ELMOD1: variants seen among roughly 807,000 people sequenced by gnomAD.
The protein encoded by ELMOD1 is ELMO domain containing 1, also known as ELMO domain-containing protein 1.
ELMOD1 carries 21 observed loss-of-function variants against 46.7 expected under a neutral mutation model. That is an observed-to-expected ratio of 0.45 (90% CI 0.32 to 0.65). The LOEUF is 0.65. ELMOD1 is among the 30% of genes least tolerant of loss of function. The pLI is 0.04. For synonymous variants in ELMOD1, 122 were observed against 138.2 expected (o/e 0.88, Z 0.82); for missense variants, 348 against 407.8 (o/e 0.85, Z 1.26).
At chr11:107,614,147 AAG>A (rs1865822564) in intron 1 of ELMOD1, among the ~76,000 whole-genome samples, 1 of 152,144 alleles carries the variant, frequency 6.6e-6, no homozygotes, top group Non-Finnish European at 1.5e-5. Context: ...TCAATTAACA[AAG>A]GTCCTATTGA....
intron 11 of ELMOD1, among the ~76,000 whole-genome samples, chr11:107,661,968 A>G (rs934904912): frequency 9.2e-5 from 14 of 152,216 alleles, no homozygotes; most frequent in Non-Finnish European, 1.8e-4. Context: ...TATGACAACC[A>G]GATGACAAAC....
At chr11:107,596,141 G>A (rs1865489246) in intron 1 of ELMOD1, among the ~76,000 whole-genome samples, 1 of 151,792 alleles carries the variant, frequency 6.6e-6, no homozygotes, top group South Asian at 2.1e-4. Context: ...TTAGAATGCT[G>A]GTTTTAAGAG....
chr11:107,665,363 A>G lies in ELMOD1; in HGVS notation c.*166A>G, dbSNP rs1866824927. 1 of 689,206 alleles carries G rather than the reference A, an allele frequency of 1.5e-6. No individual in the cohort carries two copies. The highest frequency in any genetic ancestry group is 2.4e-6 in the Non-Finnish European group (1 of 419,414). The allele number at this position is 689,206 out of a possible 1,614,324, so 42.7% of individuals were successfully genotyped here. A position where few individuals can be genotyped will look rare whatever the true frequency, so the allele number is the denominator to read the frequency against. On this transcript the variant is annotated 3_prime_UTR_variant, in exon 12 of 12. Coordinates refer to ENST00000265840, the MANE Select transcript of ELMOD1 (RefSeq NM_018712.4). ...CATAATTCCGAGATCCCCAGAGACC[A>G]CTGTTTCTGGAGTATCTGTCATCCA...
At position 107,666,012 on chromosome 11, in the gene ELMOD1, A is replaced by G. The variant is rs1866839055; in HGVS notation, c.*815A>G. The G allele has an allele frequency of 6.7e-6, 1 of 149,108 alleles. No individual in the cohort carries two copies. The highest frequency in any genetic ancestry group is 2.5e-5 in the African/African-American group (1 of 40,288). The allele number at this position is 149,108 out of a possible 1,614,324, so 9.2% of individuals were successfully genotyped here. A position where few individuals can be genotyped will look rare whatever the true frequency, so the allele number is the denominator to read the frequency against. On this transcript the variant is annotated 3_prime_UTR_variant, in exon 12 of 12. Transcript: ENST00000265840. ...AAATAAATAAATAAATAAATAAATA[A>G]ATAAAATAGTACAGACAGACACATG...
At position 107,658,050 on chromosome 11, in the gene ELMOD1, T is replaced by C. The variant is rs939408026; in HGVS notation, c.832+1984T>C. On this transcript the variant is annotated intron_variant, in intron 11 of 11. Coordinates refer to ENST00000265840, the MANE Select transcript of ELMOD1 (RefSeq NM_018712.4). ...AAAAGGGTGAGAAAATAAGTGACTA[T>C]GTGGCTGGGGTGAGTGAGCGGGAGC... Among the ~76,000 whole-genome samples the C allele has an allele frequency of 4.1e-4, 40 of 96,728 alleles. 1 individual carries two copies. In the African/African-American group the frequency reaches 6.5e-3, roughly 16 times the overall value. 63.5% of individuals were successfully genotyped at this position (96,728 alleles called of 152,430 possible). A position where few individuals can be genotyped will look rare whatever the true frequency, so the allele number is the denominator to read the frequency against.
At chr11:107,654,525 T>A (rs1171028289) in intron 10 of ELMOD1, among the ~76,000 whole-genome samples, 1 of 152,130 alleles carries the variant, frequency 6.6e-6, no homozygotes, top group Non-Finnish European at 1.5e-5. Flanking sequence ...ATCCCAGCAC[T>A]TTGGGAGGCC....
At chr11:107,601,331 CT>C (rs35139867) in intron 1 of ELMOD1, among the ~76,000 whole-genome samples, 3,481 of 145,582 alleles carry the variant, frequency 0.024, 86 homozygotes, top group African/African-American at 0.059. Flanking sequence ...TTATTTATAG[CT>C]TTTTTTTTGC....
intron 1 of ELMOD1, among the ~76,000 whole-genome samples, chr11:107,605,461 A>G (rs1865669739): frequency 6.6e-6 from 1 of 152,156 alleles, no homozygotes; most frequent in African/African-American, 2.4e-5. Context: ...TCAGCCTTCA[A>G]AAGTGCTGGG....
chr11:107,634,697 T>C (rs533031484), intron 5 of ELMOD1, among the ~76,000 whole-genome samples: 1 of 152,214 alleles, frequency 6.6e-6, no homozygotes, highest in South Asian at 2.1e-4. Flanking sequence ...GCCAAGATTG[T>C]ACCACTGCAC....
chr11:107,625,460 C>T (rs1866025034), intron 2 of ELMOD1: 10 of 985,342 alleles, frequency 1.0e-5, no homozygotes, highest in Non-Finnish European at 1.2e-5. Flanking sequence ...AAATAAGCCA[C>T]TTTTCTCTTA....
chr11:107,647,703 A>G, intron 7 of ELMOD1, 102 bp downstream of exon 7: 1 of 1,205,550 alleles, frequency 8.3e-7, no homozygotes, highest in Non-Finnish European at 1.1e-6. Flanking sequence ...TACTTCCCAT[A>G]AGACTCAAAG....
intron 1 of ELMOD1, among the ~76,000 whole-genome samples, chr11:107,601,490 A>G (rs1405576742): frequency 7.4e-6 from 1 of 134,374 alleles, no homozygotes; most frequent in Non-Finnish European, 1.5e-5. Context: ...ATCTTGGCTT[A>G]CTGCAACCTC....
intron 1 of ELMOD1, chr11:107,591,690 G>GACA (rs1865395131): frequency 2.7e-6 from 1 of 365,016 alleles, no homozygotes; most frequent in Non-Finnish European, 5.7e-6. Context: ...TTGCATCTCG[G>GACA]CCCGGGCGTA....
intron 9 of ELMOD1, among the ~76,000 whole-genome samples, chr11:107,651,158 G>C (rs1483076597): frequency 6.6e-6 from 1 of 152,118 alleles, no homozygotes; most frequent in African/African-American, 2.4e-5. Context: ...GAAACATTTT[G>C]AACACTCACC....
intron 1 of ELMOD1, among the ~76,000 whole-genome samples, chr11:107,602,734 T>G (rs1307348759): frequency 6.6e-6 from 1 of 151,982 alleles, no homozygotes; most frequent in African/African-American, 2.4e-5. Flanking sequence ...CCCTTTTTTT[T>G]TTTTCCTCCT....
intron 6 of ELMOD1, among the ~76,000 whole-genome samples, chr11:107,644,146 A>T (rs918040765): frequency 2.6e-5 from 4 of 151,750 alleles, no homozygotes; most frequent in African/African-American, 9.7e-5. Context: ...AAATACGAAA[A>T]TGAGCTGGGC....
At chr11:107,607,380 G>A (rs569037955) in intron 1 of ELMOD1, among the ~76,000 whole-genome samples, 32 of 152,322 alleles carry the variant, frequency 2.1e-4, no homozygotes, top group Non-Finnish European at 3.5e-4. Flanking sequence ...GGCAGGCCAG[G>A]TGCAGTGGCT....
chr11:107,650,668 G>A (rs1866510689), intron 8 of ELMOD1, among the ~76,000 whole-genome samples: 1 of 152,110 alleles, frequency 6.6e-6, no homozygotes. Flanking sequence ...CTGAGGAGGT[G>A]GGCATGGAAG....
At chr11:107,635,580 C>A (rs1591123777) in intron 5 of ELMOD1, 56 bp from the exon 6 acceptor site, 2 of 1,563,158 alleles carry the variant, frequency 1.3e-6, no homozygotes. Flanking sequence ...TGAACAAATG[C>A]CAAAGTGAAT....
Sources: allele counts gnomAD v4.1 joint callset (sites outside exome capture counted in the v4.1 genomes callset), GRCh38; gene constraint gnomAD v4.1.1; transcripts MANE v1.5; gene names NCBI Gene and HGNC (gene_info 2026-07-23, HGNC 2026-07-21).